RPA3: variants seen among roughly 807,000 people sequenced by gnomAD.
RPA3 encodes replication protein A3.
A neutral mutation model predicts 13.7 loss-of-function variants in RPA3; 24 were observed. That is an observed-to-expected ratio of 1.75 (90% CI 1.27 to 2.46). RPA3 has a LOEUF of 2.46. Among genes scored for constraint, RPA3 ranks in the 30% most tolerant of loss-of-function variants. The pLI, the probability that RPA3 is intolerant of heterozygous loss-of-function variation, is 0.00. For synonymous variants in RPA3, 59 were observed against 51.2 expected (o/e 1.15, Z -0.65); for missense variants, 183 against 151.0 (o/e 1.21, Z -1.11).
chr7:7,666,962 C>A (rs1440358082), intron 4 of RPA3, among the ~76,000 whole-genome samples: 2 of 152,276 alleles, frequency 1.3e-5, no homozygotes, highest in East Asian at 1.9e-4. Flanking sequence ...CGTGCGCCAC[C>A]ACATCCAGCT....
intron 4 of RPA3, among the ~76,000 whole-genome samples, chr7:7,658,342 A>G (rs1311770640): frequency 6.6e-6 from 1 of 152,188 alleles, no homozygotes; most frequent in African/African-American, 2.4e-5. Context: ...AACTTCTAAT[A>G]CTGTGTTGAA....
chr7:7,718,514 C>T lies in RPA3; in HGVS notation c.-1080+1G>A, dbSNP rs529874466. ...TCCAACAAATTCAAACAGATACTTA[C>T]AAAATTAAGACGATTGTAAATGTGT... On this transcript the variant is annotated splice_donor_variant, in intron 1 of 7. Coordinates refer to ENST00000223129, the MANE Select transcript of RPA3 (RefSeq NM_002947.5). LOFTEE classifies it low-confidence loss of function (5UTR_SPLICE). 29 of 152,262 alleles carry T rather than the reference C, an allele frequency of 1.9e-4. 1 individual carries two copies. Among genetic ancestry groups the T allele is most frequent in the African/African-American group, 6.5e-4 (27 of 41,552 alleles). The allele number at this position is 152,262 out of a possible 1,614,324, so 9.4% of individuals were successfully genotyped here.
intron 4 of RPA3, among the ~76,000 whole-genome samples, chr7:7,657,969 G>A (rs1425734464): frequency 6.6e-6 from 1 of 152,084 alleles, no homozygotes; most frequent in Non-Finnish European, 1.5e-5. Context: ...CCATTTGTTT[G>A]TGTCCTCTCC....
chr7:7,639,221 A>T, intron 5 of RPA3, 77 bp from the exon 6 acceptor site: 1 of 1,013,346 alleles, frequency 9.9e-7, no homozygotes, highest in East Asian at 2.5e-5. Context: ...ATTGATCCTT[A>T]GTTGAGCACA....
intron 4 of RPA3, among the ~76,000 whole-genome samples, chr7:7,664,345 A>G (rs1188414537): frequency 6.6e-6 from 1 of 152,012 alleles, no homozygotes; most frequent in Non-Finnish European, 1.5e-5. Flanking sequence ...GGCTCTTCTC[A>G]GTCTCTCTAG....
At chr7:7,645,817 A>G (rs563630868) in intron 4 of RPA3, among the ~76,000 whole-genome samples, 185 of 145,492 alleles carry the variant, frequency 1.3e-3, no homozygotes, top group Non-Finnish European at 2.3e-3. Flanking sequence ...TTTGTTTAGG[A>G]TTTTTTTTTT....
intron 2 of RPA3, among the ~76,000 whole-genome samples, chr7:7,691,778 G>A (rs1780177986): frequency 6.6e-6 from 1 of 152,178 alleles, no homozygotes; most frequent in Non-Finnish European, 1.5e-5. Flanking sequence ...TGATGGTATT[G>A]AAGTGTTTTC....
chr7:7,707,320 C>G (rs1400109656), intron 2 of RPA3, among the ~76,000 whole-genome samples: 1 of 152,118 alleles, frequency 6.6e-6, no homozygotes, highest in African/African-American at 2.4e-5. Flanking sequence ...AGAAAATATC[C>G]TCTAGGTATC....
chr7:7,708,927 C>CTG (rs890448329), intron 2 of RPA3, among the ~76,000 whole-genome samples: 4 of 148,818 alleles, frequency 2.7e-5, no homozygotes, highest in Non-Finnish European at 6.0e-5. Context: ...GTTTGTGTGT[C>CTG]TGTGTGTGTG....
rs1380728219 is a variant in RPA3, at chr7:7,637,969, C to G, written c.178G>C (p.Asp60His). The G allele has an allele frequency of 1.2e-6, 2 of 1,611,694 alleles. No individual in the cohort carries two copies. Among genetic ancestry groups the G allele is most frequent in the South Asian group, 1.1e-5 (1 of 90,944 alleles). The change falls in exon 7 of 8, where the codon GAT becomes CAT. Residue 60 changes from aspartate to histidine, a missense_variant. Physicochemically the swap from Asp to His is moderately conservative, Grantham distance 81. Transcript: ENST00000223129. ...NGTIELMEPL[D>H]EEISGIVEVV... is the part of the protein sequence containing the mutation. ...TCCACAATTCCAGAGATTTCTTCAT[C>G]AAGCTAAGACACAGAACAAGACATC...
intron 2 of RPA3, among the ~76,000 whole-genome samples, chr7:7,698,827 A>G (rs924406141): frequency 6.8e-6 from 1 of 147,112 alleles, no homozygotes; most frequent in African/African-American, 2.5e-5. Flanking sequence ...AGACCATGAC[A>G]TTTCTGGCTG....
In RPA3 at chr7:7,676,252, AG is replaced by A. The variant is rs1389078837; in HGVS notation, c.-758+9577del. ...TACCACTTAGCATATCTAGGAAATG[AG>A]CACGATATCGGTACCTACCCCATGA... On this transcript the variant is annotated intron_variant, in intron 4 of 7. Coordinates refer to ENST00000223129, the MANE Select transcript of RPA3 (RefSeq NM_002947.5). 3.1e-4 allele frequency: 123 copies of A among 398,426 alleles called. No homozygotes were observed. The East Asian group carries it at 4.3e-3, about 14-fold the overall frequency. 24.7% of individuals were successfully genotyped at this position (398,426 alleles called of 1,614,324 possible).
intron 2 of RPA3, among the ~76,000 whole-genome samples, chr7:7,698,002 C>A (rs929712426): frequency 1.3e-5 from 2 of 152,160 alleles, no homozygotes; most frequent in Admixed American, 6.5e-5. Flanking sequence ...CCCCACTACT[C>A]ATTTGATTGT....
At chr7:7,709,117 A>G (rs191121914) in intron 2 of RPA3, among the ~76,000 whole-genome samples, 54 of 152,314 alleles carry the variant, frequency 3.5e-4, no homozygotes, top group Admixed American at 7.8e-4. Flanking sequence ...ATTTTGCAAA[A>G]TTCGGCATGG....
At chr7:7,693,581 TA>T (rs1166515692) in intron 2 of RPA3, among the ~76,000 whole-genome samples, 45 of 152,160 alleles carry the variant, frequency 3.0e-4, no homozygotes, top group Admixed American at 9.8e-4. Context: ...AGGCATCCTT[TA>T]AACATTAAGG....
intron 4 of RPA3, among the ~76,000 whole-genome samples, chr7:7,644,277 T>G (rs997360812): frequency 6.6e-6 from 1 of 152,114 alleles, no homozygotes; most frequent in Non-Finnish European, 1.5e-5. Flanking sequence ...TAAGAGCTTT[T>G]TATTAGTGAG....
At chr7:7,641,509 A>C (rs1336855212) in intron 4 of RPA3, 1 of 151,586 alleles carries the variant, frequency 6.6e-6, no homozygotes, top group South Asian at 2.1e-4. Flanking sequence ...AACAGTTTAA[A>C]CCCCCTCAGC....
chr7:7,690,697 A>T (rs1016526356), intron 2 of RPA3, among the ~76,000 whole-genome samples: 1 of 152,080 alleles, frequency 6.6e-6, no homozygotes, highest in Non-Finnish European at 1.5e-5. Flanking sequence ...TGTTTTTGCT[A>T]AGGAGAGAAA....
At chr7:7,682,413 C>T (rs1779934154) in intron 4 of RPA3, among the ~76,000 whole-genome samples, 1 of 152,126 alleles carries the variant, frequency 6.6e-6, no homozygotes, top group Admixed American at 6.5e-5. Context: ...ACCACATATA[C>T]ATACTTCATT....
Sources: allele counts gnomAD v4.1 joint callset (sites outside exome capture counted in the v4.1 genomes callset), GRCh38; gene constraint gnomAD v4.1.1; transcripts MANE v1.5; gene names NCBI Gene and HGNC (gene_info 2026-07-23, HGNC 2026-07-21).